The following ATP10D variants were observed in gnomAD, a reference collection of about 807,000 sequenced individuals.
ATP10D encodes ATPase phospholipid transporting 10D (putative).
ATP10D carries 89 observed loss-of-function variants against 144.8 expected under a neutral mutation model. That is an observed-to-expected ratio of 0.61 (90% CI 0.52 to 0.73). The LOEUF is 0.73. ATP10D is among the 30% of genes least tolerant of loss of function. The pLI is 0.00. For synonymous variants in ATP10D, 571 were observed against 615.1 expected, an observed-to-expected ratio of 0.93 and a Z score of 1.06; for missense variants, 1,603 against 1,714.8, an observed-to-expected ratio of 0.93 and a Z score of 1.15.
At chr4:47,582,723 C>T (rs554334872) in intron 21 of ATP10D, 1 of 152,296 alleles carries the variant, frequency 6.6e-6, no homozygotes, top group African/African-American at 2.4e-5. Context: ...TCACCCAGCG[C>T]AAATGTTATT....
At chr4:47,503,905 AT>A (rs1199659822) in intron 1 of ATP10D, among the ~76,000 whole-genome samples, 5 of 151,434 alleles carry the variant, frequency 3.3e-5, no homozygotes, top group African/African-American at 1.2e-4. Context: ...CTAAAAAAAA[AT>A]AATAAATAAA....
chr4:47,563,797 G>C, intron 15 of ATP10D, 32 bp downstream of exon 15: 1 of 1,480,774 alleles, frequency 6.8e-7, no homozygotes, highest in African/African-American at 1.4e-5. Flanking sequence ...CTGTTCTTCT[G>C]TATTTTCAAA....
chr4:47,541,995 C>T (rs4694853), intron 9 of ATP10D, among the ~76,000 whole-genome samples: 100,652 of 151,406 alleles, frequency 0.66, 33,852 homozygotes, highest in Non-Finnish European at 0.69. Flanking sequence ...TGGAGTCTAC[C>T]TTAAGGTAAG....
chr4:47,536,927 A>C lies in ATP10D; in HGVS notation c.1385A>C (p.His462Pro), dbSNP rs1479504628. ...RCSVAGFDYC[H>P]EENARRLESY... is the part of the protein sequence containing the mutation. ...AGTGTGGCAGGATTTGATTACTGCC[A>C]TGAAGAAAATGGTGAGTGTTGGATT... The change falls in exon 9 of 23, where the codon CAT becomes CCT. Residue 462 changes from histidine (H) to proline (P), a missense_variant. By Grantham distance (77) the His-to-Pro change is moderately conservative. Transcript: ENST00000273859. 1.2e-6 allele frequency: 2 copies of C among 1,607,102 alleles called. No homozygotes were observed. The highest frequency in any genetic ancestry group is 8.5e-7 in the Non-Finnish European group (1 of 1,177,494).
intron 10 of ATP10D, among the ~76,000 whole-genome samples, chr4:47,552,662 G>C (rs1229494639): frequency 6.6e-6 from 1 of 152,202 alleles, no homozygotes; most frequent in East Asian, 1.9e-4. Flanking sequence ...AATAGCATTT[G>C]TCACAAATGC....
chr4:47,586,907 C>A, intron 21 of ATP10D, 112 bp from the exon 22 acceptor site: 2 of 894,446 alleles, frequency 2.2e-6, no homozygotes, highest in Non-Finnish European at 3.5e-6. Context: ...GTTTGTTACA[C>A]CATTCATCCA....
At chr4:47,531,475 G>A (rs191613584) in intron 5 of ATP10D, among the ~76,000 whole-genome samples, 32 of 152,320 alleles carry the variant, frequency 2.1e-4, no homozygotes, top group African/African-American at 5.3e-4. Flanking sequence ...TGTCTGGAAT[G>A]TAGGTGAGCA....
intron 14 of ATP10D, among the ~76,000 whole-genome samples, chr4:47,562,271 G>C (rs1719353813): frequency 6.6e-6 from 1 of 152,058 alleles, no homozygotes; most frequent in African/African-American, 2.4e-5. Context: ...AAACACATAT[G>C]GCCCCAATTG....
At chr4:47,489,964 C>T (rs144791288) in intron 1 of ATP10D, among the ~76,000 whole-genome samples, 1,865 of 152,272 alleles carry the variant, frequency 0.012, 11 homozygotes, top group Non-Finnish European at 0.02. Context: ...GGTACTACTA[C>T]ATTCCTCTTA....
At chr4:47,490,824 G>C (rs1472695163) in intron 1 of ATP10D, 2 of 336,958 alleles carry the variant, frequency 5.9e-6, no homozygotes, top group Non-Finnish European at 1.1e-5. Context: ...CTCCTTGTTA[G>C]GTAATTGGCA....
chr4:47,567,312 G>GA (rs904051820), intron 15 of ATP10D, among the ~76,000 whole-genome samples: 1 of 152,056 alleles, frequency 6.6e-6, no homozygotes, highest in Admixed American at 6.5e-5. Flanking sequence ...TTTTTATAAT[G>GA]AAAAAAATAG....
intron 1 of ATP10D, 28 bp from the exon 2 acceptor site, chr4:47,512,475 TG>T (rs1175402090): frequency 2.1e-6 from 3 of 1,416,798 alleles, no homozygotes; most frequent in Admixed American, 2.1e-5. Context: ...CAGAAGCTCA[TG>T]GAAGTGTGGT....
In ATP10D at chr4:47,543,091, A is replaced by G. The variant is rs75175618; in HGVS notation, c.1397-3533A>G. On this transcript the variant is annotated intron_variant, in intron 9 of 22. Transcript: ENST00000273859. ...GTAAAATAAGATATTTTGAGAGAGAAAAAGAGAGATCACATTCACATAAGT... is the reference window on the plus strand; with the variant it reads ...GTAAAATAAGATATTTTGAGAGAGAGAAAGAGAGATCACATTCACATAAGT... 3.9e-5 allele frequency among the ~76,000 whole-genome samples: 6 copies of G among 152,284 alleles called. No homozygotes were observed. In the South Asian group the frequency reaches 1.2e-3, roughly 32 times the overall value.
chr4:47,488,328 GTATT>G (rs1714879426), intron 1 of ATP10D, among the ~76,000 whole-genome samples: 1 of 151,550 alleles, frequency 6.6e-6, no homozygotes, highest in South Asian at 2.1e-4. Context: ...TTAATCAAAA[GTATT>G]TATTAAGCTG....
chr4:47,572,359 G>A (rs954307277), intron 17 of ATP10D, 129 bp downstream of exon 17: 9 of 735,334 alleles, frequency 1.2e-5, no homozygotes, highest in Non-Finnish European at 2.0e-5. Flanking sequence ...GAGACAGGAA[G>A]TTTACCTATC....
At chr4:47,588,318 G>C (rs1316669198) in intron 22 of ATP10D, among the ~76,000 whole-genome samples, 1 of 152,148 alleles carries the variant, frequency 6.6e-6, no homozygotes, top group Non-Finnish European at 1.5e-5. Context: ...ATAACAAATA[G>C]TTGTTCTGCT....
At chr4:47,572,116 C>A (rs1253939783) in intron 16 of ATP10D, 38 bp from the exon 17 acceptor site, 1 of 1,587,654 alleles carries the variant, frequency 6.3e-7, no homozygotes, top group Non-Finnish European at 8.6e-7. Context: ...TTTCTTTACT[C>A]CTCATATGTT....
Position 47,565,866 on chromosome 4 carries a change from G to A in ATP10D, c.2853+2101G>A, listed in dbSNP as rs374992934. Among the ~76,000 whole-genome samples the A allele has an allele frequency of 7.2e-5, 11 of 152,174 alleles. No individual in the cohort carries two copies. The East Asian group carries it at 2.1e-3, about 29-fold the overall frequency. ...TATCGATTCAAGAAGTATTTACTGA[G>A]TACCTATAATTTTTTTGCTATCGAT... On this transcript the variant is annotated intron_variant, in intron 15 of 22. Transcript: ENST00000273859.
At chr4:47,565,251 C>T (rs893601075) in intron 15 of ATP10D, among the ~76,000 whole-genome samples, 1 of 152,300 alleles carries the variant, frequency 6.6e-6, no homozygotes, top group South Asian at 2.1e-4. Context: ...TGAGCCACCG[C>T]GCCCGGCCTG....
Sources: allele counts gnomAD v4.1 joint callset (sites outside exome capture counted in the v4.1 genomes callset), GRCh38; gene constraint gnomAD v4.1.1; transcripts MANE v1.5; gene names NCBI Gene and HGNC (gene_info 2026-07-23, HGNC 2026-07-21).